SH3RF3: variants seen among roughly 807,000 people sequenced by gnomAD.
SH3RF3 encodes SH3 domain containing ring finger 3.
SH3RF3 carries 29 observed loss-of-function variants against 66.3 expected under a neutral mutation model. The ratio of observed to expected loss-of-function variants is 0.44; its 90% CI spans 0.33 to 0.60. The LOEUF (loss-of-function observed/expected upper bound fraction) is 0.60, where lower values mean the gene tolerates loss of function less well. Among genes scored for constraint, SH3RF3 ranks in the 20% least tolerant of loss-of-function variants. The pLI, the probability that SH3RF3 is intolerant of heterozygous loss-of-function variation, is 0.04. For missense variants in SH3RF3, 1,194 were observed against 1,190.9 expected (o/e 1.00, Z -0.04); for synonymous variants, 583 against 532.0 (o/e 1.10, Z -1.32).
intron 2 of SH3RF3, among the ~76,000 whole-genome samples, chr2:109,368,355 A>C (rs776127149): frequency 6.6e-6 from 1 of 152,190 alleles, no homozygotes; most frequent in Admixed American, 6.5e-5. Context: ...TTAAACATCT[A>C]TTCATATTTT....
intron 2 of SH3RF3, among the ~76,000 whole-genome samples, chr2:109,362,619 A>G (rs533108644): frequency 1.3e-5 from 2 of 152,174 alleles, no homozygotes; most frequent in South Asian, 4.1e-4. Context: ...AAGTTCAGTT[A>G]TATCCTTACT....
rs1277530234 is a variant in SH3RF3, at chr2:109,490,921, T to G, written c.2465T>G (p.Leu822Arg). The change falls in exon 9 of 10, where the codon CTG becomes CGG. Residue 822 changes from leucine (L) to arginine (R), a missense_variant. Physicochemically the swap from Leu to Arg is moderately radical, Grantham distance 102. Transcript: ENST00000309415. The part of the protein sequence containing the change: ...SMAAIRPEPK[L>R]LPRERYRVVV... ...GCTGCCATCCGCCCCGAGCCCAAGC[T>G]GTTGCCCAGAGAGAGGTAAGTGCAG... 6.7e-7 allele frequency: 1 copy of G among 1,502,414 alleles called. No homozygotes were observed. The highest frequency in any genetic ancestry group is 8.9e-7 in the Non-Finnish European group (1 of 1,125,424). The allele number at this position is 1,502,414 out of a possible 1,614,324, so 93.1% of individuals were successfully genotyped here. A position where few individuals can be genotyped will look rare whatever the true frequency, so the allele number is the denominator to read the frequency against.
chr2:109,153,845 T>A lies in SH3RF3; in HGVS notation c.573+23732T>A, dbSNP rs1015563479. On this transcript the variant is annotated intron_variant, in intron 1 of 9. Transcript: ENST00000309415. The stretch of plus-strand genomic sequence containing the variant: ...TCCTGCAGACCTGCTTCCTGAGGGC[T>A]GACTCCTGGTCTCCCACTGCTCTGG... Among the ~76,000 whole-genome samples, 5 of 152,242 alleles carry A rather than the reference T, an allele frequency of 3.3e-5. 1 individual carries two copies. Among genetic ancestry groups the A allele is most frequent in the African/African-American group, 1.2e-4 (5 of 41,462 alleles).
chr2:109,362,757 G>A (rs1241567417), intron 2 of SH3RF3, among the ~76,000 whole-genome samples: 1 of 152,140 alleles, frequency 6.6e-6, no homozygotes, highest in African/African-American at 2.4e-5. Context: ...CTGTTGTTAG[G>A]TGCGTGTAAT....
chr2:109,489,860 C>G (rs1679084629), intron 8 of SH3RF3, among the ~76,000 whole-genome samples: 1 of 152,156 alleles, frequency 6.6e-6, no homozygotes, highest in Admixed American at 6.5e-5. Flanking sequence ...ACCTCAGGCT[C>G]CTGAGTATCT....
intron 5 of SH3RF3, among the ~76,000 whole-genome samples, chr2:109,422,141 G>A (rs1189614858): frequency 6.6e-6 from 1 of 152,182 alleles, no homozygotes; most frequent in Non-Finnish European, 1.5e-5. Flanking sequence ...TGTAAGTCAC[G>A]TTCAGAAGTC....
chr2:109,313,603 G>C (rs974493579), intron 1 of SH3RF3: 1 of 154,982 alleles, frequency 6.5e-6, no homozygotes, highest in Non-Finnish European at 1.5e-5. Flanking sequence ...CTAGCCTTGA[G>C]TAGGGGCCCC....
At chr2:109,255,036 A>G (rs183499628) in intron 1 of SH3RF3, among the ~76,000 whole-genome samples, 330 of 152,312 alleles carry the variant, frequency 2.2e-3, no homozygotes, top group Non-Finnish European at 3.3e-3. Context: ...GATGGCTCCA[A>G]CACTGTACAA....
intron 8 of SH3RF3, among the ~76,000 whole-genome samples, chr2:109,452,946 G>A (rs1269666014): frequency 4.1e-5 from 6 of 146,298 alleles, no homozygotes; most frequent in South Asian, 4.4e-4. Context: ...GGCTGGTGCC[G>A]GGAGGCTGGT....
intron 7 of SH3RF3, among the ~76,000 whole-genome samples, chr2:109,443,073 T>C (rs1019908876): frequency 5.3e-5 from 8 of 152,226 alleles, no homozygotes; most frequent in African/African-American, 1.9e-4. Flanking sequence ...TATGAAGTTA[T>C]CATGAACACT....
intron 1 of SH3RF3, among the ~76,000 whole-genome samples, chr2:109,180,613 A>C (rs1325328930): frequency 6.6e-6 from 1 of 152,160 alleles, no homozygotes; most frequent in African/African-American, 2.4e-5. Context: ...AATAAGTCTC[A>C]CGAGATCTGA....
At chr2:109,282,237 T>G (rs1680913417) in intron 1 of SH3RF3, among the ~76,000 whole-genome samples, 1 of 152,106 alleles carries the variant, frequency 6.6e-6, no homozygotes, top group Non-Finnish European at 1.5e-5. Context: ...CCTTTACACA[T>G]TAATGTAGGG....
chr2:109,363,575 G>T (rs915860278), intron 2 of SH3RF3, among the ~76,000 whole-genome samples: 1 of 152,098 alleles, frequency 6.6e-6, no homozygotes, highest in Non-Finnish European at 1.5e-5. Flanking sequence ...TCTTTCTGTA[G>T]ATCTGAATTT....
In SH3RF3 at chr2:109,408,942, G is replaced by A. The variant is rs4076376; in HGVS notation, c.1299+9999G>A. ...AAGGCCATGAGCGGAGGCCATCCAC[G>A]GCTCTTCCTGATAGAAGAAAGGCTC... On this transcript the variant is annotated intron_variant, in intron 4 of 9. Transcript: ENST00000309415. Among the ~76,000 whole-genome samples the A allele has an allele frequency of 1.5e-3, 223 of 152,290 alleles. 3 individuals carry two copies. The East Asian group carries it at 0.041, about 28-fold the overall frequency.
In SH3RF3 at chr2:109,218,999, T is replaced by G. The variant is rs535806672; in HGVS notation, c.573+88886T>G. ...TTCTGTTCTGGGATTATGCCTGTTA[T>G]GGGCACTGACCTCTCTTTCTTGGCT... On this transcript the variant is annotated intron_variant, in intron 1 of 9. Coordinates refer to ENST00000309415, the MANE Select transcript of SH3RF3 (RefSeq NM_001099289.3). Among the ~76,000 whole-genome samples, 4 of 152,246 alleles carry G rather than the reference T, an allele frequency of 2.6e-5. No homozygotes were observed. In the East Asian group the frequency reaches 7.7e-4, roughly 29 times the overall value.
At chr2:109,300,278 C>G (rs571385808) in intron 1 of SH3RF3, among the ~76,000 whole-genome samples, 2 of 152,278 alleles carry the variant, frequency 1.3e-5, no homozygotes, top group Admixed American at 1.3e-4. Flanking sequence ...CTCCAGGGTT[C>G]AAGCAGTTCT....
chr2:109,253,142 C>T (rs529278331), intron 1 of SH3RF3, among the ~76,000 whole-genome samples: 1 of 152,238 alleles, frequency 6.6e-6, no homozygotes, highest in East Asian at 1.9e-4. Flanking sequence ...ATTCTCCTGC[C>T]TCAGCCTTCT....
chr2:109,474,377 G>A (rs911499641), intron 8 of SH3RF3, among the ~76,000 whole-genome samples: 2 of 152,170 alleles, frequency 1.3e-5, no homozygotes, highest in African/African-American at 4.8e-5. Flanking sequence ...GTGTGAGCTA[G>A]CTGCGTCTAA....
At chr2:109,257,473 A>G (rs1010391443) in intron 1 of SH3RF3, among the ~76,000 whole-genome samples, 5 of 152,040 alleles carry the variant, frequency 3.3e-5, no homozygotes, top group African/African-American at 9.7e-5. Flanking sequence ...CTTTCTTGTA[A>G]ATAGCAGCTG....
Sources: allele counts gnomAD v4.1 joint callset (sites outside exome capture counted in the v4.1 genomes callset), GRCh38; gene constraint gnomAD v4.1.1; transcripts MANE v1.5; gene names NCBI Gene and HGNC (gene_info 2026-07-23, HGNC 2026-07-21).